Variants in ESRRG observed in about 807,000 individuals in gnomAD.
ESRRG encodes the protein estrogen-related receptor gamma.
Under a neutral mutation model 44.0 loss-of-function variants are expected in ESRRG, and 13 were observed. The ratio of observed to expected loss-of-function variants is 0.30; its 90% CI spans 0.19 to 0.47. The LOEUF (loss-of-function observed/expected upper bound fraction) is 0.47. Ranked by LOEUF, ESRRG falls within the 20% of genes least tolerant of loss-of-function variation. The probability of loss-of-function intolerance (pLI) is 1.00; values close to 1 mark genes in which losing one functional copy is unlikely to be tolerated. For missense variants in ESRRG, 395 were observed against 580.6 expected (o/e 0.68, Z 3.29); for synonymous variants, 215 against 214.6 (o/e 1.00, Z -0.02).
intron 6 of ESRRG, among the ~76,000 whole-genome samples, chr1:216,511,200 G>C (rs879665590): frequency 2.6e-5 from 4 of 152,080 alleles, no homozygotes; most frequent in Non-Finnish European, 4.4e-5. Context: ...TCCAATCATT[G>C]AATGAATGAA....
intron 5 of ESRRG, among the ~76,000 whole-genome samples, chr1:216,559,362 T>C (rs1253369774): frequency 6.6e-6 from 1 of 152,166 alleles, no homozygotes; most frequent in Non-Finnish European, 1.5e-5. Flanking sequence ...CATAGCAAAG[T>C]AGAAATATTA....
chr1:217,000,169 C>T (rs746429982), intron 1 of ESRRG: 6 of 152,112 alleles, frequency 3.9e-5, no homozygotes, highest in Admixed American at 6.6e-5. Context: ...TATACGTAAG[C>T]GAACAGTTAT....
chr1:217,065,984 C>T (rs2089589577), intron 1 of ESRRG, among the ~76,000 whole-genome samples: 1 of 152,108 alleles, frequency 6.6e-6, no homozygotes, highest in African/African-American at 2.4e-5. Flanking sequence ...ACTCCAAGAC[C>T]GAAGTGCACA....
intron 1 of ESRRG, among the ~76,000 whole-genome samples, chr1:217,034,785 T>A (rs11117755): frequency 0.19 from 28,273 of 152,110 alleles, 2,898 homozygotes; most frequent in East Asian, 0.45. Flanking sequence ...CAGTGCACCA[T>A]ACGTAACACC....
chr1:216,810,360 A>G (rs2094930857), intron 2 of ESRRG, among the ~76,000 whole-genome samples: 1 of 152,074 alleles, frequency 6.6e-6, no homozygotes, highest in Non-Finnish European at 1.5e-5. Flanking sequence ...ATGATTTCAC[A>G]GTGGCATATA....
At chr1:216,769,441 G>C (rs1000507444) in intron 2 of ESRRG, among the ~76,000 whole-genome samples, 1 of 152,058 alleles carries the variant, frequency 6.6e-6, no homozygotes, top group Non-Finnish European at 1.5e-5. Context: ...AGTGTGAGAT[G>C]ACATTGGGAA....
intron 2 of ESRRG, among the ~76,000 whole-genome samples, chr1:216,667,290 AT>A (rs1283105235): frequency 2.6e-5 from 4 of 152,104 alleles, no homozygotes; most frequent in Non-Finnish European, 2.9e-5. Flanking sequence ...TTACATCCGT[AT>A]TTTTTTTGGA....
At chr1:216,745,559 G>A (rs944542876) in intron 2 of ESRRG, among the ~76,000 whole-genome samples, 2 of 137,658 alleles carry the variant, frequency 1.5e-5, no homozygotes, top group South Asian at 4.3e-4. Flanking sequence ...ATGCATAGGA[G>A]TTTTTACCCT....
At chr1:217,063,478 CT>C (rs2088987649) in intron 1 of ESRRG, among the ~76,000 whole-genome samples, 1 of 152,232 alleles carries the variant, frequency 6.6e-6, no homozygotes, top group Admixed American at 6.5e-5. Context: ...ATCTCGTGAC[CT>C]TTAGTCTGTC....
intron 6 of ESRRG, among the ~76,000 whole-genome samples, chr1:216,508,648 G>A (rs577897152): frequency 2.5e-4 from 38 of 152,246 alleles, no homozygotes; most frequent in African/African-American, 8.9e-4. Context: ...ACCTCCTATG[G>A]TGCTGTCTCT....
chr1:216,554,946 A>C (rs796353519), intron 5 of ESRRG, among the ~76,000 whole-genome samples: 2 of 152,278 alleles, frequency 1.3e-5, no homozygotes, highest in African/African-American at 4.8e-5. Flanking sequence ...AGTCTATTAG[A>C]TCTCAATATC....
intron 5 of ESRRG, among the ~76,000 whole-genome samples, chr1:216,538,497 G>T (rs181511305): frequency 6.6e-6 from 1 of 152,118 alleles, no homozygotes; most frequent in East Asian, 1.9e-4. Context: ...AAATCAGAAC[G>T]TGGTGAAACC....
At chr1:216,573,187 T>A (rs988256377) in intron 3 of ESRRG, among the ~76,000 whole-genome samples, 14 of 151,952 alleles carry the variant, frequency 9.2e-5, no homozygotes, top group Non-Finnish European at 1.9e-4. Flanking sequence ...AAGATTAAAG[T>A]TTCCCTTATT....
intron 2 of ESRRG, among the ~76,000 whole-genome samples, chr1:216,937,123 A>C (rs2064277814): frequency 6.6e-6 from 1 of 152,134 alleles, no homozygotes; most frequent in African/African-American, 2.4e-5. Context: ...AAAAAGAAAA[A>C]AAAAACTCAA....
At chr1:217,098,008 T>C (rs1034826076) in intron 1 of ESRRG, among the ~76,000 whole-genome samples, 2 of 152,182 alleles carry the variant, frequency 1.3e-5, no homozygotes, top group African/African-American at 4.8e-5. Context: ...GGCAATAGTA[T>C]TGCTTTACAA....
intron 1 of ESRRG, among the ~76,000 whole-genome samples, chr1:216,955,528 G>C (rs1440040924): frequency 6.6e-6 from 1 of 151,980 alleles, no homozygotes; most frequent in African/African-American, 2.4e-5. Context: ...TCTTTGATAT[G>C]CTGATTTCCT....
At chr1:216,886,920 T>A (rs1023282418) in intron 2 of ESRRG, among the ~76,000 whole-genome samples, 2 of 152,226 alleles carry the variant, frequency 1.3e-5, no homozygotes, top group African/African-American at 4.8e-5. Flanking sequence ...GTACTTTTTT[T>A]AAATACAGGG....
chr1:216,626,826 G>C (rs1366834208), intron 3 of ESRRG, among the ~76,000 whole-genome samples: 2 of 152,182 alleles, frequency 1.3e-5, no homozygotes, highest in Non-Finnish European at 2.9e-5. Context: ...ACTGCAGTCT[G>C]ACTCATTGTT....
At chr1:217,088,069 G>A (rs987976770) in intron 1 of ESRRG, among the ~76,000 whole-genome samples, 3 of 151,318 alleles carry the variant, frequency 2.0e-5, no homozygotes, top group African/African-American at 7.3e-5. Flanking sequence ...AAAAGAGAGA[G>A]AACCCTGAAA....
Sources: gnomAD v4.1 joint callset for allele counts (sites outside exome capture counted in the v4.1 genomes callset) on GRCh38, gnomAD v4.1.1 for gene constraint, MANE v1.5 for transcripts, NCBI Gene and HGNC (gene_info 2026-07-23, HGNC 2026-07-21) for gene names.